GPLD1: variants seen among roughly 807,000 people sequenced by gnomAD.
GPLD1 encodes glycosylphosphatidylinositol specific phospholipase D1.
In GPLD1, 84 loss-of-function variants were observed where a neutral mutation model predicts 112.6. The observed-to-expected ratio is 0.75, with a 90% CI of 0.63 to 0.89. The LOEUF is 0.89. Among genes scored for constraint, GPLD1 ranks in the 40% least tolerant of loss-of-function variants. GPLD1 has a pLI of 0.00. For missense variants in GPLD1, 1,044 were observed against 1,051.5 expected, an observed-to-expected ratio of 0.99 and a Z score of 0.10; for synonymous variants, 386 against 403.8, an observed-to-expected ratio of 0.96 and a Z score of 0.53.
At chr6:24,489,989 C>G (rs541782174), upstream of GPLD1, among the ~76,000 whole-genome samples, 2 of 152,208 alleles carry the variant, frequency 1.3e-5, no homozygotes, top group Non-Finnish European at 2.9e-5. Flanking sequence ...TGTCCTGCTT[C>G]CTCCGCCTCC....
downstream of GPLD1, chr6:24,424,671 G>A (rs1762167984): frequency 6.6e-6 from 1 of 152,148 alleles, no homozygotes; most frequent in South Asian, 2.1e-4. Flanking sequence ...TTTTCTGGAG[G>A]TTAAGTACAG....
In GPLD1 at chr6:24,436,619, G is replaced by A. The variant is rs779173424; in HGVS notation, c.2315C>T (p.Thr772Ile). Residue 772 changes from threonine to isoleucine, a missense_variant, in exon 22 of 25, where the codon ACT becomes ATT. Physicochemically the swap from Thr to Ile is moderately conservative, Grantham distance 89. Coordinates refer to ENST00000230036, the MANE Select transcript of GPLD1 (RefSeq NM_001503.4). ...AGTTATCCATGATTTGCATTTGCCA[G>A]TCATGTCACCAAGGGTGGTCTCTTT... is the stretch of plus-strand genomic sequence containing the variant. Reference protein sequence around the residue: ...NGKETTLGDMTGKCKSWITPC... With the variant: ...NGKETTLGDMIGKCKSWITPC... 9 of 1,613,898 alleles carry A rather than the reference G, an allele frequency of 5.6e-6. No individual in the cohort carries two copies. The Admixed American group carries it at 1.2e-4, about 21-fold the overall frequency.
chr6:24,466,920 C>T lies in GPLD1; in HGVS notation c.673G>A (p.Val225Ile). Residue 225 changes from valine to isoleucine, a missense_variant, in exon 9 of 25, where the codon GTT becomes ATT. Coordinates refer to ENST00000230036, the MANE Select transcript of GPLD1 (RefSeq NM_001503.4). ...FLEMYGEMLA[V>I]SKLYPTYSTK... ...AAGAATGACGCCTTTACCTTGGAAA[C>T]AGCTAGCATCTCACCATACCTGCAA... is the stretch of plus-strand genomic sequence containing the variant. The T allele has an allele frequency of 6.2e-7, 1 of 1,611,136 alleles. No homozygotes were observed. The highest frequency in any genetic ancestry group is 8.5e-7 in the Non-Finnish European group (1 of 1,177,288).
At chr6:24,470,467 T>C (rs140674295) in intron 7 of GPLD1, among the ~76,000 whole-genome samples, 31 of 152,290 alleles carry the variant, frequency 2.0e-4, no homozygotes, top group African/African-American at 7.0e-4. Flanking sequence ...TCTACCCTCA[T>C]GTGGGAGATC....
chr6:24,432,695 T>G (rs925237402), intron 24 of GPLD1, among the ~76,000 whole-genome samples: 2 of 152,216 alleles, frequency 1.3e-5, no homozygotes, highest in Non-Finnish European at 2.9e-5. Flanking sequence ...CAGCAAACAA[T>G]TTTGGAGAAC....
chr6:24,432,793 C>T (rs1485162805), intron 24 of GPLD1, among the ~76,000 whole-genome samples: 7 of 152,198 alleles, frequency 4.6e-5, no homozygotes, highest in East Asian at 1.9e-4. Flanking sequence ...AGCAGCCACG[C>T]GCAGTCCACA....
At chr6:24,439,380 A>G (rs1428528586) in intron 20 of GPLD1, among the ~76,000 whole-genome samples, 1 of 152,212 alleles carries the variant, frequency 6.6e-6, no homozygotes, top group Non-Finnish European at 1.5e-5. Context: ...CAGCTCTTCA[A>G]AAGTACATAT....
chr6:24,494,803 G>A (rs573412922), intron 1 of GPLD1: 6 of 570,220 alleles, frequency 1.1e-5, no homozygotes, highest in South Asian at 9.2e-5. Flanking sequence ...AAGGTGCAGA[G>A]GGCGGCGCGG....
rs531937630 is a variant in GPLD1, at chr6:24,428,235, T to A, written c.*797A>T. The A allele has an allele frequency of 6.6e-6, 1 of 151,950 alleles. No individual in the cohort carries two copies. Among genetic ancestry groups the A allele is most frequent in the South Asian group, 2.1e-4 (1 of 4,792 alleles). 9.4% of individuals were successfully genotyped at this position (151,950 alleles called of 1,614,324 possible). The stretch of plus-strand genomic sequence containing the variant: ...ATGGGCCAATCTGTTATTTTTAAGT[T>A]CAACTTTTTTTTAACTTTTAAGTTC... On this transcript the variant is annotated 3_prime_UTR_variant, in exon 25 of 25. Coordinates refer to ENST00000230036, the MANE Select transcript of GPLD1 (RefSeq NM_001503.4).
At chr6:24,437,820 T>A (rs1762627862) in intron 20 of GPLD1, among the ~76,000 whole-genome samples, 1 of 152,218 alleles carries the variant, frequency 6.6e-6, no homozygotes, top group Non-Finnish European at 1.5e-5. Flanking sequence ...CCTGTCCACA[T>A]CCCTCTGCTG....
chr6:24,468,547 AT>A (rs893653060), intron 7 of GPLD1, among the ~76,000 whole-genome samples: 13 of 150,480 alleles, frequency 8.6e-5, no homozygotes, highest in African/African-American at 3.2e-4. Context: ...CATTTTACTT[AT>A]TTTTTTATTT....
chr6:24,457,151 G>A (rs186281855), intron 12 of GPLD1, among the ~76,000 whole-genome samples: 99 of 152,258 alleles, frequency 6.5e-4, no homozygotes, highest in South Asian at 6.2e-4. Context: ...GATTACAGGC[G>A]TAAGCCACCA....
intron 20 of GPLD1, among the ~76,000 whole-genome samples, chr6:24,444,470 A>T (rs1413162988): frequency 2.0e-5 from 3 of 151,306 alleles, no homozygotes; most frequent in Non-Finnish European, 2.9e-5. Flanking sequence ...ATTCACCTTT[A>T]TAATCTGGGA....
At position 24,468,453 on chromosome 6, in the gene GPLD1, G is replaced by A. The variant is rs748759957; in HGVS notation, c.546-1179C>T. On this transcript the variant is annotated intron_variant, in intron 7 of 24. Coordinates refer to ENST00000230036, the MANE Select transcript of GPLD1 (RefSeq NM_001503.4). ...TCAGTGAAAGGCTAATTGGAAATTC[G>A]GAAGGATGTCTCATAGCTACCTATG... is the stretch of plus-strand genomic sequence containing the variant. 4.6e-5 allele frequency among the ~76,000 whole-genome samples: 7 copies of A among 152,232 alleles called. No homozygotes were observed. The East Asian group carries it at 1.2e-3, about 25-fold the overall frequency.
chr6:24,476,869 T>G (rs1219224546), intron 3 of GPLD1, among the ~76,000 whole-genome samples: 2 of 152,268 alleles, frequency 1.3e-5, no homozygotes, highest in East Asian at 3.9e-4. Flanking sequence ...AACTGGCCTC[T>G]GTGCTAAACC....
In GPLD1 at chr6:24,427,010, C is replaced by T. The variant is rs1762257066; in HGVS notation, c.*2022G>A. ...TTCAGCTGGATTCCTCTTCCTGTCCCCTTTTCACCAGTCTCTACTCTTGAG... is the reference window on the plus strand; with the variant it reads ...TTCAGCTGGATTCCTCTTCCTGTCCTCTTTTCACCAGTCTCTACTCTTGAG... On this transcript the variant is annotated 3_prime_UTR_variant, in exon 25 of 25. Coordinates refer to ENST00000230036, the MANE Select transcript of GPLD1 (RefSeq NM_001503.4). Among the ~76,000 whole-genome samples the T allele has an allele frequency of 6.6e-6, 1 of 152,112 alleles. No individual in the cohort carries two copies. Among genetic ancestry groups the T allele is most frequent in the African/African-American group, 2.4e-5 (1 of 41,406 alleles).
chr6:24,453,593 A>G (rs1003028458), intron 14 of GPLD1, among the ~76,000 whole-genome samples: 2 of 152,132 alleles, frequency 1.3e-5, no homozygotes, highest in African/African-American at 4.8e-5. Context: ...CAGAGATTGC[A>G]CCACTGCACT....
At chr6:24,457,530 TTGTATA>T (rs1331537219) in intron 12 of GPLD1, among the ~76,000 whole-genome samples, 2 of 152,194 alleles carry the variant, frequency 1.3e-5, no homozygotes, top group Middle Eastern at 3.4e-3. Flanking sequence ...TTAATTGTAT[TTGTATA>T]TGTGTATATA....
intron 5 of GPLD1, among the ~76,000 whole-genome samples, chr6:24,474,591 A>T (rs1482836596): frequency 6.6e-6 from 1 of 152,208 alleles, no homozygotes; most frequent in Non-Finnish European, 1.5e-5. Context: ...TGTTTTCAGT[A>T]CACATTAGCC....
Sources: allele counts gnomAD v4.1 joint callset (sites outside exome capture counted in the v4.1 genomes callset), GRCh38; gene constraint gnomAD v4.1.1; transcripts MANE v1.5; gene names NCBI Gene and HGNC (gene_info 2026-07-23, HGNC 2026-07-21).